Variants in HABP4 observed in about 807,000 individuals in gnomAD.
HABP4 encodes intracellular hyaluronan-binding protein 4.
HABP4 carries 32 observed loss-of-function variants against 44.1 expected under a neutral mutation model. The ratio of observed to expected loss-of-function variants is 0.73; its 90% confidence interval spans 0.55 to 0.97. HABP4 has a LOEUF of 0.97. Ranked by LOEUF, HABP4 falls within the 50% of genes least tolerant of loss-of-function variation. The pLI is 0.00. For missense variants in HABP4, 503 were observed against 561.9 expected (o/e 0.90, Z 1.06); for synonymous variants, 216 against 218.0 (o/e 0.99, Z 0.08).
intron 5 of HABP4, among the ~76,000 whole-genome samples, chr9:96,473,108 A>G (rs969574922): frequency 6.6e-6 from 1 of 152,096 alleles, no homozygotes; most frequent in Non-Finnish European, 1.5e-5. Context: ...ATAGGATCTT[A>G]TGCACTTCTG....
chr9:96,456,523 G>A (rs746496019), intron 1 of HABP4, among the ~76,000 whole-genome samples: 2 of 151,798 alleles, frequency 1.3e-5, no homozygotes, highest in Non-Finnish European at 2.9e-5. Context: ...CACTTTGGGA[G>A]GCCGAGGTGA....
chr9:96,461,861 A>G (rs1158566178), intron 2 of HABP4, among the ~76,000 whole-genome samples: 2 of 152,198 alleles, frequency 1.3e-5, no homozygotes, highest in Admixed American at 6.5e-5. Context: ...GGAAAGTGCT[A>G]TAAGAAATGC....
At chr9:96,474,498 ACTGT>A (rs1464577222) in intron 5 of HABP4, among the ~76,000 whole-genome samples, 1 of 152,178 alleles carries the variant, frequency 6.6e-6, no homozygotes, top group Non-Finnish European at 1.5e-5. Context: ...AAGCTTGTTG[ACTGT>A]CTGTCTGCAG....
chr9:96,472,270 A>G (rs563365794), intron 5 of HABP4, among the ~76,000 whole-genome samples: 28 of 152,222 alleles, frequency 1.8e-4, no homozygotes, highest in African/African-American at 6.0e-4. Context: ...ATTCCCGGTC[A>G]CTGATATTCT....
intron 5 of HABP4, among the ~76,000 whole-genome samples, chr9:96,474,509 G>T (rs1832748407): frequency 6.6e-6 from 1 of 152,174 alleles, no homozygotes; most frequent in Non-Finnish European, 1.5e-5. Flanking sequence ...CTGTCTGTCT[G>T]CAGTATCCCA....
At chr9:96,479,741 C>T (rs1832845121) in intron 5 of HABP4, among the ~76,000 whole-genome samples, 1 of 152,038 alleles carries the variant, frequency 6.6e-6, no homozygotes, top group Non-Finnish European at 1.5e-5. Context: ...GATCTCCTGA[C>T]CTCAGGTGAT....
In HABP4 at chr9:96,450,227, C is replaced by T. The variant is rs1587764829; in HGVS notation, c.-53C>T. 1 of 1,311,764 alleles carries T rather than the reference C, an allele frequency of 7.6e-7. No homozygotes were observed. Among genetic ancestry groups the T allele is most frequent in the Non-Finnish European group, 9.8e-7 (1 of 1,022,218 alleles). 81.3% of individuals were successfully genotyped at this position (1,311,764 alleles called of 1,614,324 possible). A position where few individuals can be genotyped will look rare whatever the true frequency, so the allele number is the denominator to read the frequency against. On this transcript the variant is annotated 5_prime_UTR_variant, in exon 1 of 8. Transcript: ENST00000375249. The surrounding 1 kb of genome is among the most constrained non-coding windows in gnomAD (Gnocchi z 4.8). ...GCATGGGTCCTGGCCGCCGGCTTCG[C>T]TGAGACGCGCTCGCGTGGGCTGCCC...
chr9:96,453,239 G>T (rs1211862767), intron 1 of HABP4, among the ~76,000 whole-genome samples: 1 of 151,802 alleles, frequency 6.6e-6, no homozygotes, highest in East Asian at 1.9e-4. Flanking sequence ...GCTAATTTTT[G>T]TATATTTTTT....
At chr9:96,465,687 G>A (rs199545407) in intron 3 of HABP4, 23 bp from the exon 4 acceptor site, 1 of 1,525,210 alleles carries the variant, frequency 6.6e-7, no homozygotes, top group Admixed American at 1.7e-5. Context: ...TCTGGTTTAA[G>A]GGACTATTCT....
intron 7 of HABP4, among the ~76,000 whole-genome samples, chr9:96,489,546 C>T (rs967032531): frequency 6.6e-6 from 1 of 152,210 alleles, no homozygotes; most frequent in Admixed American, 6.5e-5. Context: ...TCCACTGTGC[C>T]ACCAAATTGC....
intron 1 of HABP4, among the ~76,000 whole-genome samples, chr9:96,451,136 G>C (rs1832268746): frequency 6.6e-6 from 1 of 152,160 alleles, no homozygotes; most frequent in Non-Finnish European, 1.5e-5. Context: ...GCCCGGGCGG[G>C]GGTCCCCGGC....
At chr9:96,466,964 C>A (rs1460067572) in intron 4 of HABP4, among the ~76,000 whole-genome samples, 2 of 150,768 alleles carry the variant, frequency 1.3e-5, no homozygotes, top group African/African-American at 4.9e-5. Context: ...GCTCTGTCAC[C>A]CAGGCTGGAG....
chr9:96,458,567 C>G, intron 2 of HABP4, 26 bp downstream of exon 2: 1 of 1,518,776 alleles, frequency 6.6e-7, no homozygotes, highest in Non-Finnish European at 9.1e-7. Context: ...CTCAGCAGGG[C>G]GGGTGGGGAA....
In HABP4 at chr9:96,462,984, C is replaced by T. The variant is rs975646061; in HGVS notation, c.513-2353C>T. Among the ~76,000 whole-genome samples the T allele has an allele frequency of 3.9e-5, 6 of 152,086 alleles. No homozygotes were observed. The East Asian group carries it at 7.7e-4, about 20-fold the overall frequency. ...ACTGTACTTTAGATTTCTTTTTTTG[C>T]TCTGTTTCCCAGGCTGGAGTGCAGT... is the stretch of plus-strand genomic sequence containing the variant. On this transcript the variant is annotated intron_variant, in intron 2 of 7. Coordinates refer to ENST00000375249, the MANE Select transcript of HABP4 (RefSeq NM_014282.4).
chr9:96,484,734 T>C, intron 6 of HABP4, 101 bp downstream of exon 6: 1 of 686,550 alleles, frequency 1.5e-6, no homozygotes, highest in Non-Finnish European at 2.6e-6. Flanking sequence ...ACATTAGTAG[T>C]TGGCAGTCTT....
Position 96,456,628 on chromosome 9 carries a change from C to G in HABP4, c.350-1751C>G, listed in dbSNP as rs371898426. 1.1e-3 allele frequency among the ~76,000 whole-genome samples: 166 copies of G among 150,778 alleles called. 1 individual carries two copies. The East Asian group carries it at 0.026, about 23-fold the overall frequency. On this transcript the variant is annotated intron_variant, in intron 1 of 7. Transcript: ENST00000375249. The stretch of plus-strand genomic sequence containing the variant: ...ACAAAAAATTAGCTGGGCGTGGTGG[C>G]GGGCGCCTATAGTCCCAGCTACTGG...
intron 5 of HABP4, 61 bp downstream of exon 5, chr9:96,471,155 T>G: frequency 1.1e-6 from 1 of 939,616 alleles, no homozygotes; most frequent in South Asian, 1.3e-5. Context: ...ATTTCTTTTT[T>G]TTTTTTGAGA....
chr9:96,463,724 C>T (rs991567214), intron 2 of HABP4, among the ~76,000 whole-genome samples: 15 of 152,150 alleles, frequency 9.9e-5, no homozygotes, highest in Non-Finnish European at 1.8e-4. Context: ...ATCAGTACTT[C>T]TGTATTTCTT....
intron 5 of HABP4, among the ~76,000 whole-genome samples, chr9:96,479,189 C>G (rs1832834780): frequency 6.6e-6 from 1 of 152,130 alleles, no homozygotes; most frequent in Non-Finnish European, 1.5e-5. Context: ...TTCTCCTTTT[C>G]TTACATACTG....
Sources: allele counts gnomAD v4.1 joint callset (sites outside exome capture counted in the v4.1 genomes callset), GRCh38; gene constraint gnomAD v4.1.1; non-coding constraint Gnocchi (gnomAD v3.1); transcripts MANE v1.5; gene names NCBI Gene and HGNC (gene_info 2026-07-23, HGNC 2026-07-21).